The following TBC1D22A variants were observed in gnomAD, a reference collection of about 807,000 sequenced individuals.
TBC1D22A encodes the protein TBC1 domain family member 22A.
A neutral mutation model predicts 60.2 loss-of-function variants in TBC1D22A; 38 were observed. The ratio of observed to expected loss-of-function variants is 0.63; its 90% confidence interval spans 0.49 to 0.83. TBC1D22A has a LOEUF of 0.83. Ranked by LOEUF, TBC1D22A falls within the 40% of genes least tolerant of loss-of-function variation. The pLI is 0.00. For synonymous variants in TBC1D22A, 302 were observed against 281.7 expected (o/e 1.07, Z -0.72); for missense variants, 628 against 701.0 (o/e 0.90, Z 1.18).
intron 12 of TBC1D22A, among the ~76,000 whole-genome samples, chr22:47,172,753 G>A (rs1346378786): frequency 6.6e-6 from 1 of 152,248 alleles, no homozygotes; most frequent in Non-Finnish European, 1.5e-5. Flanking sequence ...TCGGGGTGGA[G>A]TCATTGTTCC....
chr22:46,935,141 C>G (rs2071571639), intron 8 of TBC1D22A, among the ~76,000 whole-genome samples: 2 of 152,084 alleles, frequency 1.3e-5, no homozygotes, highest in Non-Finnish European at 2.9e-5. Flanking sequence ...ATGAAGGCAT[C>G]AGTAGGTTTC....
At position 46,893,475 on chromosome 22, in the gene TBC1D22A, G is replaced by A. The variant is rs560819414; in HGVS notation, c.838-1309G>A. On this transcript the variant is annotated intron_variant, in intron 6 of 12. Coordinates refer to ENST00000337137, the MANE Select transcript of TBC1D22A (RefSeq NM_014346.5). Reference sequence around the variant, plus strand: ...GGTTGGGTCTGGTGGATGCTGCCTCGTCTGCTCAATAAATGTGTGACAGGA... The same window carrying A: ...GGTTGGGTCTGGTGGATGCTGCCTCATCTGCTCAATAAATGTGTGACAGGA... Among the ~76,000 whole-genome samples, 89 of 152,292 alleles carry A rather than the reference G, an allele frequency of 5.8e-4. 1 individual carries two copies. The highest frequency in any genetic ancestry group is 2.0e-3 in the African/African-American group (83 of 41,546).
chr22:47,163,791 C>T (rs945863820), intron 12 of TBC1D22A, among the ~76,000 whole-genome samples: 2 of 152,236 alleles, frequency 1.3e-5, no homozygotes, highest in Non-Finnish European at 2.9e-5. Flanking sequence ...CCGGTCCTGA[C>T]ACCTGCACCA....
intron 11 of TBC1D22A, among the ~76,000 whole-genome samples, chr22:47,056,519 C>A (rs918359528): frequency 6.6e-6 from 1 of 152,114 alleles, no homozygotes; most frequent in East Asian, 1.9e-4. Flanking sequence ...GTGCCCCGTG[C>A]CATCCGTCAC....
Position 46,990,336 on chromosome 22 carries a change from A to G in TBC1D22A, c.1126-7298A>G, listed in dbSNP as rs1039960139. On this transcript the variant is annotated intron_variant, in intron 9 of 12. Transcript: ENST00000337137. This position sits in a 1 kb window ranked among gnomAD's most constrained non-coding sequence, Gnocchi z 4.6. Reference sequence around the variant, plus strand: ...ATGAATTGATTATTTTTTTCAATTAATGGAGTTTGGTTTTTTTAGAGCAGT... The same window carrying G: ...ATGAATTGATTATTTTTTTCAATTAGTGGAGTTTGGTTTTTTTAGAGCAGT... 5.3e-5 allele frequency among the ~76,000 whole-genome samples: 8 copies of G among 151,622 alleles called. No individual in the cohort carries two copies. The highest frequency in any genetic ancestry group is 1.9e-4 in the African/African-American group (8 of 41,200).
chr22:47,125,903 C>T (rs1297482027), intron 12 of TBC1D22A, among the ~76,000 whole-genome samples: 1 of 152,194 alleles, frequency 6.6e-6, no homozygotes, highest in Non-Finnish European at 1.5e-5. Flanking sequence ...TCCTGGTGTC[C>T]AGATAGTCAG....
At chr22:47,173,448 C>T (rs369172180) in intron 12 of TBC1D22A, 50 bp from the exon 13 acceptor site, 2 of 1,603,400 alleles carry the variant, frequency 1.2e-6, no homozygotes, top group Non-Finnish European at 1.7e-6. Flanking sequence ...GTCACCCGCC[C>T]TCCACCGTGG....
intron 5 of TBC1D22A, among the ~76,000 whole-genome samples, chr22:46,883,283 T>C (rs1159714554): frequency 6.6e-6 from 1 of 152,218 alleles, no homozygotes; most frequent in Non-Finnish European, 1.5e-5. Context: ...ACCGGGACAA[T>C]TTAGATATAA....
chr22:47,081,097 G>A (rs1461512250), intron 11 of TBC1D22A, among the ~76,000 whole-genome samples: 1 of 132,288 alleles, frequency 7.6e-6, no homozygotes. Flanking sequence ...TCCAGCCTGG[G>A]CAACAAGAGC....
chr22:46,791,618 C>T (rs1358771987), intron 1 of TBC1D22A, among the ~76,000 whole-genome samples: 5 of 151,812 alleles, frequency 3.3e-5, no homozygotes, highest in South Asian at 4.1e-4. Flanking sequence ...CAGGGCCAGC[C>T]GTGGCTGACG....
intron 4 of TBC1D22A, 87 bp from the exon 5 acceptor site, chr22:46,878,566 T>TA: frequency 9.0e-7 from 1 of 1,114,136 alleles, no homozygotes; most frequent in Non-Finnish European, 1.4e-6. Flanking sequence ...GCCTCCTAAT[T>TA]AAACAGGTGG....
At chr22:46,897,878 A>C (rs1326499380) in intron 7 of TBC1D22A, among the ~76,000 whole-genome samples, 1 of 150,366 alleles carries the variant, frequency 6.7e-6, no homozygotes, top group Non-Finnish European at 1.5e-5. Context: ...TTAAACTTTG[A>C]CATTTCTTGT....
rs2068608296 is a variant in TBC1D22A at position 47,174,581 on chromosome 22, G to C, written c.*955G>C. 1.3e-5 allele frequency: 2 copies of C among 152,184 alleles called. No homozygotes were observed. Among genetic ancestry groups the C allele is most frequent in the East Asian group, 1.9e-4 (1 of 5,164 alleles). The allele number at this position is 152,184 out of a possible 1,614,324, so 9.4% of individuals were successfully genotyped here. On this transcript the variant is annotated 3_prime_UTR_variant, in exon 13 of 13. Transcript: ENST00000337137. ...TGCTGTCCTTGTCCAGGTCTGCCAG[G>C]TGTAGGGGAGGTGTGACTGGTTCCA... is the stretch of plus-strand genomic sequence containing the variant.
chr22:46,989,759 TCACACA>T (rs35714390), intron 9 of TBC1D22A, among the ~76,000 whole-genome samples: 15 of 146,160 alleles, frequency 1.0e-4, no homozygotes, highest in South Asian at 8.8e-4. Context: ...TGTGACAGAG[TCACACA>T]CACACACACA....
At chr22:46,962,631 A>G (rs2073569531) in intron 8 of TBC1D22A, among the ~76,000 whole-genome samples, 1 of 152,204 alleles carries the variant, frequency 6.6e-6, no homozygotes, top group Non-Finnish European at 1.5e-5. Context: ...GCGGCTGTGT[A>G]GACGAGGGGA....
intron 10 of TBC1D22A, among the ~76,000 whole-genome samples, chr22:47,029,057 C>G (rs2062362782): frequency 6.6e-6 from 1 of 152,206 alleles, no homozygotes; most frequent in South Asian, 2.1e-4. Context: ...TAGAATGGCT[C>G]ATGGGACTCA....
At chr22:47,001,451 G>GAAAAAAAAAAAAAAAAAAAAAA (rs60259224) in intron 10 of TBC1D22A, among the ~76,000 whole-genome samples, 1 of 104,982 alleles carries the variant, frequency 9.5e-6, no homozygotes, top group Non-Finnish European at 2.0e-5. Flanking sequence ...TCTCAAAAAA[G>GAAAAAAAAAAAAAAAAAAAAAA]AAAAAAAAAA....
intron 11 of TBC1D22A, among the ~76,000 whole-genome samples, chr22:47,108,523 T>TCAGTGATATTCTGGGA (rs2065723773): frequency 6.6e-6 from 1 of 152,178 alleles, no homozygotes; most frequent in Admixed American, 6.5e-5. Context: ...CACAAGTAAG[T>TCAGTGATATTCTGGGA]CAGTGATATT....
intron 8 of TBC1D22A, among the ~76,000 whole-genome samples, chr22:46,969,550 G>T (rs1402127402): frequency 1.3e-5 from 2 of 152,248 alleles, no homozygotes; most frequent in Non-Finnish European, 2.9e-5. Flanking sequence ...GAAGGCAAGC[G>T]AGATGGTTTT....
Sources: allele counts gnomAD v4.1 joint callset (sites outside exome capture counted in the v4.1 genomes callset), GRCh38; gene constraint gnomAD v4.1.1; non-coding constraint Gnocchi (gnomAD v3.1); transcripts MANE v1.5; gene names NCBI Gene and HGNC (gene_info 2026-07-23, HGNC 2026-07-21).